FHIT: variants seen among roughly 807,000 people sequenced by gnomAD.
The protein encoded by FHIT is fragile histidine triad diadenosine triphosphatase.
In FHIT, 19 loss-of-function variants were observed where a neutral mutation model predicts 17.9. That is an observed-to-expected ratio of 1.06 (90% CI 0.74 to 1.56). FHIT has a LOEUF of 1.56. Ranked by LOEUF, FHIT falls within the 40% of genes most tolerant of loss-of-function variation. The pLI is 0.00. For missense variants in FHIT, 248 were observed against 189.2 expected (o/e 1.31, Z -1.82); for synonymous variants, 81 against 69.7 (o/e 1.16, Z -0.81).
intron 5 of FHIT, among the ~76,000 whole-genome samples, chr3:60,199,378 C>A (rs1017803032): frequency 1.3e-5 from 2 of 152,014 alleles, no homozygotes; most frequent in Non-Finnish European, 2.9e-5. Context: ...AAATTGAATT[C>A]AAAATCCATC....
At chr3:60,608,111 G>C (rs2038665932) in intron 4 of FHIT, among the ~76,000 whole-genome samples, 1 of 152,178 alleles carries the variant, frequency 6.6e-6, no homozygotes, top group Non-Finnish European at 1.5e-5. Flanking sequence ...GGTGTACACT[G>C]TAATGTCCAT....
At chr3:60,824,384 A>G (rs782011689) in intron 3 of FHIT, among the ~76,000 whole-genome samples, 41 of 152,222 alleles carry the variant, frequency 2.7e-4, no homozygotes, top group Non-Finnish European at 5.6e-4. Flanking sequence ...AACTGTACTG[A>G]TCATCTGAAT....
chr3:61,040,448 T>C (rs1359221289), intron 3 of FHIT, among the ~76,000 whole-genome samples: 2 of 152,248 alleles, frequency 1.3e-5, no homozygotes, highest in Admixed American at 1.3e-4. Flanking sequence ...ATAATGGTTT[T>C]ATTAAATCCC....
chr3:61,150,192 T>C (rs1247197173), intron 2 of FHIT, among the ~76,000 whole-genome samples: 23 of 152,134 alleles, frequency 1.5e-4, no homozygotes, highest in Admixed American at 1.5e-3. Context: ...AAAGAACAAG[T>C]TACTAAAAGT....
At chr3:61,085,705 A>T (rs79372315) in intron 2 of FHIT, among the ~76,000 whole-genome samples, 6,561 of 152,172 alleles carry the variant, frequency 0.043, 481 homozygotes, top group African/African-American at 0.15. Flanking sequence ...ACTAATATAA[A>T]GTCATAAAAC....
At chr3:60,322,502 T>A (rs927812226) in intron 5 of FHIT, among the ~76,000 whole-genome samples, 11 of 152,180 alleles carry the variant, frequency 7.2e-5, no homozygotes, top group African/African-American at 2.4e-4. Context: ...TAACAAGAAG[T>A]CTAAGGTCCA....
At chr3:61,240,506 C>CTAT (rs999164150) in intron 1 of FHIT, among the ~76,000 whole-genome samples, 1 of 152,150 alleles carries the variant, frequency 6.6e-6, no homozygotes, top group African/African-American at 2.4e-5. Flanking sequence ...CTCCAACTGG[C>CTAT]TATAGAAACA....
At chr3:60,930,790 T>C (rs1310069150) in intron 3 of FHIT, among the ~76,000 whole-genome samples, 2 of 152,170 alleles carry the variant, frequency 1.3e-5, no homozygotes, top group African/African-American at 4.8e-5. Flanking sequence ...GTTCAACCAT[T>C]GTGGAAGTCA....
chr3:61,222,799 G>A (rs892221336), intron 1 of FHIT, among the ~76,000 whole-genome samples: 1 of 152,166 alleles, frequency 6.6e-6, no homozygotes, highest in Admixed American at 6.6e-5. Context: ...ACAATGGGGG[G>A]AATCAAGGCA....
At chr3:60,289,475 G>T (rs766323526) in intron 5 of FHIT, among the ~76,000 whole-genome samples, 1 of 152,122 alleles carries the variant, frequency 6.6e-6, no homozygotes, top group African/African-American at 2.4e-5. Flanking sequence ...TAACAGAAAA[G>T]GAATTATTCA....
chr3:59,956,327 A>G (rs539690915), intron 7 of FHIT, among the ~76,000 whole-genome samples: 15 of 152,088 alleles, frequency 9.9e-5, no homozygotes, highest in Admixed American at 5.2e-4. Flanking sequence ...TGAGCCCAGG[A>G]GTTTGAGACC....
At chr3:60,270,479 G>A (rs1249212783) in intron 5 of FHIT, among the ~76,000 whole-genome samples, 1 of 152,194 alleles carries the variant, frequency 6.6e-6, no homozygotes, top group African/African-American at 2.4e-5. Context: ...GAGGAAAGCA[G>A]TTTCCTTTCA....
intron 3 of FHIT, among the ~76,000 whole-genome samples, chr3:60,914,010 G>A (rs1215318767): frequency 6.6e-6 from 1 of 152,100 alleles, no homozygotes; most frequent in Non-Finnish European, 1.5e-5. Flanking sequence ...AATGTCAAGG[G>A]GAGAAAAAAG....
chr3:60,244,958 T>C (rs1156867361), intron 5 of FHIT, among the ~76,000 whole-genome samples: 1 of 152,050 alleles, frequency 6.6e-6, no homozygotes, highest in Non-Finnish European at 1.5e-5. Flanking sequence ...AATTAAAACA[T>C]TCAGGTAGTG....
chr3:61,213,655 C>A (rs1054744342), intron 1 of FHIT, among the ~76,000 whole-genome samples: 3 of 152,180 alleles, frequency 2.0e-5, no homozygotes, highest in Non-Finnish European at 2.9e-5. Context: ...ACCAAGCAGA[C>A]CTAATAGACA....
intron 4 of FHIT, among the ~76,000 whole-genome samples, chr3:60,731,611 T>C (rs1553711257): frequency 6.6e-6 from 1 of 152,132 alleles, no homozygotes; most frequent in Non-Finnish European, 1.5e-5. Flanking sequence ...CCCTTACCTA[T>C]CAAGCGTCCC....
intron 4 of FHIT, among the ~76,000 whole-genome samples, chr3:60,745,432 C>A (rs1465416760): frequency 1.3e-5 from 2 of 152,134 alleles, no homozygotes; most frequent in African/African-American, 4.8e-5. Context: ...TTGGTAGGGA[C>A]CGTGCAAGGC....
Position 61,203,349 on chromosome 3 carries a change from C to CAA in FHIT, c.-212-2686_-212-2685dup, listed in dbSNP as rs1181915724. Among the ~76,000 whole-genome samples, 5 of 112,610 alleles carry CAA rather than the reference C, an allele frequency of 4.4e-5. No individual in the cohort carries two copies. In the East Asian group the frequency reaches 1.3e-3, roughly 28 times the overall value. 73.9% of individuals were successfully genotyped at this position (112,610 alleles called of 152,430 possible). On this transcript the variant is annotated intron_variant, in intron 1 of 9. Coordinates refer to ENST00000492590, the MANE Select transcript of FHIT (RefSeq NM_002012.4). Reference sequence around the variant, plus strand: ...GGGCAACAAGAGAGAAACTTTTTCTCAAAAAAAAAAAAAGAAAAATTATAT... The same window carrying CAA: ...GGGCAACAAGAGAGAAACTTTTTCTCAAAAAAAAAAAAAAAGAAAAATTATAT...
chr3:59,872,446 G>A (rs540664528), intron 8 of FHIT, among the ~76,000 whole-genome samples: 1 of 152,292 alleles, frequency 6.6e-6, no homozygotes, highest in South Asian at 2.1e-4. Context: ...ATGTTTATGT[G>A]AGGAGTAGAA....
Sources: gnomAD v4.1 joint callset for allele counts (sites outside exome capture counted in the v4.1 genomes callset) on GRCh38, gnomAD v4.1.1 for gene constraint, MANE v1.5 for transcripts, NCBI Gene and HGNC (gene_info 2026-07-23, HGNC 2026-07-21) for gene names.